TNFAIP8: variants seen among roughly 807,000 people sequenced by gnomAD.
TNFAIP8 encodes the protein tumor necrosis factor alpha-induced protein 8.
TNFAIP8 carries 7 observed loss-of-function variants against 13.3 expected under a neutral mutation model. The ratio of observed to expected loss-of-function variants is 0.52; its 90% CI spans 0.30 to 0.99. TNFAIP8 has a LOEUF of 0.99. Among genes scored for constraint, TNFAIP8 ranks in the 50% least tolerant of loss-of-function variants. The probability of loss-of-function intolerance (pLI) is 0.07; values close to 1 mark genes in which losing one functional copy is unlikely to be tolerated. For missense variants in TNFAIP8, 258 were observed against 236.9 expected (o/e 1.09, Z -0.58); for synonymous variants, 94 against 87.6 (o/e 1.07, Z -0.41).
chr5:119,388,545 G>C (rs775220319), intron 1 of TNFAIP8, among the ~76,000 whole-genome samples: 1 of 152,226 alleles, frequency 6.6e-6, no homozygotes, highest in Non-Finnish European at 1.5e-5. Context: ...GGGAGAGGCA[G>C]ACAATAAAAA....
intron 1 of TNFAIP8, among the ~76,000 whole-genome samples, chr5:119,269,701 T>A (rs755520972): frequency 6.6e-6 from 1 of 152,216 alleles, no homozygotes; most frequent in Non-Finnish European, 1.5e-5. Flanking sequence ...AGAGGAATCA[T>A]GGAAGGAATC....
intron 1 of TNFAIP8, among the ~76,000 whole-genome samples, chr5:119,294,869 C>T (rs1749118011): frequency 1.3e-5 from 2 of 151,758 alleles, no homozygotes; most frequent in African/African-American, 4.8e-5. Flanking sequence ...ATGTCCTTTG[C>T]CCACTTTTTG....
intron 1 of TNFAIP8, among the ~76,000 whole-genome samples, chr5:119,276,607 C>G (rs1658355495): frequency 1.3e-5 from 2 of 152,158 alleles, no homozygotes; most frequent in Non-Finnish European, 2.9e-5. Flanking sequence ...TCCCTGAGGC[C>G]TCCCTCCTTG....
chr5:119,343,966 C>A (rs1328119299), intron 1 of TNFAIP8, among the ~76,000 whole-genome samples: 1 of 152,206 alleles, frequency 6.6e-6, no homozygotes, highest in Admixed American at 6.5e-5. Flanking sequence ...TTTCAAACCA[C>A]TCATATCTAT....
At chr5:119,317,446 TGATTA>T (rs1351894744) in intron 1 of TNFAIP8, among the ~76,000 whole-genome samples, 1 of 151,908 alleles carries the variant, frequency 6.6e-6, no homozygotes, top group Non-Finnish European at 1.5e-5. Context: ...TTCTTCCTTT[TGATTA>T]GATAAGGGGA....
chr5:119,350,946 G>A (rs936225295), intron 1 of TNFAIP8, among the ~76,000 whole-genome samples: 1 of 107,356 alleles, frequency 9.3e-6, no homozygotes, highest in Non-Finnish European at 1.8e-5. Context: ...TTAACTCTAT[G>A]TGTATTTGTG....
At chr5:119,391,239 A>G (rs890721413) in intron 1 of TNFAIP8, 9 of 548,202 alleles carry the variant, frequency 1.6e-5, no homozygotes, top group Non-Finnish European at 2.3e-5. Flanking sequence ...TTGCTTCCTA[A>G]TGATGCTAGC....
intron 1 of TNFAIP8, chr5:119,306,507 T>A (rs2112662226): frequency 6.6e-6 from 1 of 152,242 alleles, no homozygotes; most frequent in East Asian, 1.9e-4. Flanking sequence ...GAGGTCACCA[T>A]ATTGGTGCTG....
intron 1 of TNFAIP8, among the ~76,000 whole-genome samples, chr5:119,285,879 G>A (rs1355726608): frequency 6.6e-6 from 1 of 151,954 alleles, no homozygotes; most frequent in Non-Finnish European, 1.5e-5. Flanking sequence ...GATATGGAAA[G>A]ATCTCCAAGA....
chr5:119,298,512 C>T lies in TNFAIP8; in HGVS notation c.1+29605C>T, dbSNP rs200114343. Among the ~76,000 whole-genome samples the T allele has an allele frequency of 9.5e-3, 1,433 of 150,892 alleles. 13 individuals carry two copies. The highest frequency in any genetic ancestry group is 0.031 in the Middle Eastern group (9 of 292). ...GATGGGCTTCCCTTTGTGGGTAACC[C>T]GACCTTTCTCTCTGGCTGCCCTTAA... On this transcript the variant is annotated intron_variant, in intron 1 of 1. Transcript: ENST00000274456.
chr5:119,351,208 G>A (rs1054890079), upstream of TNFAIP8, among the ~76,000 whole-genome samples: 5 of 152,022 alleles, frequency 3.3e-5, no homozygotes. Context: ...AAATTTTTTT[G>A]TAGAGTTAGG....
At chr5:119,364,858 T>A (rs1336761643) in intron 1 of TNFAIP8, among the ~76,000 whole-genome samples, 1 of 138,898 alleles carries the variant, frequency 7.2e-6, no homozygotes, top group Non-Finnish European at 1.6e-5. Flanking sequence ...TTTTTTTTTT[T>A]TTTTTTTTTT....
intron 1 of TNFAIP8, among the ~76,000 whole-genome samples, chr5:119,332,499 T>C (rs1484443202): frequency 1.3e-5 from 2 of 152,198 alleles, no homozygotes; most frequent in African/African-American, 2.4e-5. Context: ...TAGAGTGTTA[T>C]TGCTACAGAG....
chr5:119,356,290 C>G (rs1363894636), intron 1 of TNFAIP8, among the ~76,000 whole-genome samples, 169 bp downstream of exon 1: 2 of 152,168 alleles, frequency 1.3e-5, no homozygotes, highest in African/African-American at 4.8e-5. Flanking sequence ...CGGGTCTCAT[C>G]TTGGGCTCCC....
upstream of TNFAIP8, chr5:119,355,841 C>G (rs1581637541): frequency 2.8e-6 from 3 of 1,065,562 alleles, no homozygotes; most frequent in African/African-American, 1.7e-5. Flanking sequence ...GCCCGGCTGC[C>G]GGCCCGAGCG....
intron 1 of TNFAIP8, among the ~76,000 whole-genome samples, chr5:119,292,811 C>T (rs1373947505): frequency 2.0e-5 from 3 of 151,512 alleles, no homozygotes; most frequent in East Asian, 1.9e-4. Flanking sequence ...AGGCTACATA[C>T]TGTGTGGTTC....
At chr5:119,371,833 G>A (rs1421099606) in intron 1 of TNFAIP8, among the ~76,000 whole-genome samples, 2 of 152,020 alleles carry the variant, frequency 1.3e-5, no homozygotes, top group Non-Finnish European at 2.9e-5. Context: ...ACCAGCCGGG[G>A]CAACATGGCA....
At position 119,392,839 on chromosome 5, in the gene TNFAIP8, A is replaced by C; in HGVS notation, c.55A>C (p.Lys19Gln). 6.5e-7 allele frequency: 1 copy of C among 1,548,602 alleles called. No homozygotes were observed. Among genetic ancestry groups the C allele is most frequent in the Non-Finnish European group, 8.7e-7 (1 of 1,146,164 alleles). The change falls in exon 2 of 2, where the codon AAA becomes CAA. Residue 19 changes from lysine to glutamine, a missense_variant. Lys to Gln is a moderately conservative substitution (Grantham distance 53). Transcript: ENST00000504771. ...AGTGGCCACAGATGTCTTTAATTCC[A>C]AAAACCTGGCCGTTCAGGCACAAAA... is the stretch of plus-strand genomic sequence containing the variant. ...KEVATDVFNS[K>Q]NLAVQAQKKI...
At chr5:119,281,775 A>G (rs73248910) in intron 1 of TNFAIP8, among the ~76,000 whole-genome samples, 1 of 152,170 alleles carries the variant, frequency 6.6e-6, no homozygotes. Context: ...ACTTGTCCTC[A>G]TATCAGTGTC....
Sources: allele counts gnomAD v4.1 joint callset (sites outside exome capture counted in the v4.1 genomes callset), GRCh38; gene constraint gnomAD v4.1.1; transcripts MANE v1.5; gene names NCBI Gene and HGNC (gene_info 2026-07-23, HGNC 2026-07-21).